The following PTPRF variants were observed in gnomAD, a reference collection of about 807,000 sequenced individuals.
PTPRF encodes the protein receptor-type tyrosine-protein phosphatase F.
In PTPRF, 59 loss-of-function variants were observed where a neutral mutation model predicts 201.8. That is an observed-to-expected ratio of 0.29 (90% CI 0.24 to 0.36). PTPRF has a LOEUF of 0.36. PTPRF is among the 10% of genes least tolerant of loss of function. PTPRF has a pLI of 1.00. For synonymous variants in PTPRF, 1,088 were observed against 1,089.7 expected (o/e 1.00, Z 0.03); for missense variants, 2,132 against 2,690.5 (o/e 0.79, Z 4.59).
chr1:43,596,216 G>T (rs369311101), intron 11 of PTPRF, among the ~76,000 whole-genome samples: 4 of 152,198 alleles, frequency 2.6e-5, no homozygotes, highest in African/African-American at 9.7e-5. Context: ...GGGGCCTGGA[G>T]TGACTGAGCA....
chr1:43,572,888 C>T (rs1416406310), intron 6 of PTPRF, among the ~76,000 whole-genome samples: 2 of 152,082 alleles, frequency 1.3e-5, no homozygotes, highest in Non-Finnish European at 2.9e-5. Flanking sequence ...AATAGCAAAC[C>T]TGGGGACCTG....
chr1:43,531,198 G>A (rs886968306), intron 1 of PTPRF, 108 bp downstream of exon 1: 1 of 150,456 alleles, frequency 6.6e-6, no homozygotes, highest in Non-Finnish European at 1.5e-5. Context: ...GGTCCCGGGG[G>A]GGACGAGGGC....
At chr1:43,601,230 C>G (rs529500843) in intron 13 of PTPRF, among the ~76,000 whole-genome samples, 14 of 152,338 alleles carry the variant, frequency 9.2e-5, no homozygotes, top group Non-Finnish European at 1.3e-4. Flanking sequence ...TGGACCATCT[C>G]CCTGTGATGT....
Position 43,591,372 on chromosome 1 carries a change from C to T in PTPRF, c.1350C>T (p.Tyr450=), listed in dbSNP as rs1204098813. 6.4e-7 allele frequency: 1 copy of T among 1,556,350 alleles called. No homozygotes were observed. Among genetic ancestry groups the T allele is most frequent in the Admixed American group, 1.9e-5 (1 of 51,916 alleles). The change falls in exon 9 of 34, where the codon TAC becomes TAT. Residue 450 remains tyrosine (Y), a synonymous_variant. Coordinates refer to ENST00000359947, the MANE Select transcript of PTPRF (RefSeq NM_002840.5). ...PNGLVRGYRV[Y]YTPDSRRPPN... is the part of the protein sequence containing the mutation. ...GCCTGGTGCGGGGATACCGCGTCTA[C>T]TATACTCCGGACTCCCGCCGCCCCC...
intron 5 of PTPRF, among the ~76,000 whole-genome samples, chr1:43,561,616 T>C (rs1420151912): frequency 6.6e-6 from 1 of 152,056 alleles, no homozygotes; most frequent in Non-Finnish European, 1.5e-5. Context: ...AGGCATGACC[T>C]GTATACCCCT....
At chr1:43,600,113 C>T (rs542719093) in intron 13 of PTPRF, among the ~76,000 whole-genome samples, 1 of 152,228 alleles carries the variant, frequency 6.6e-6, no homozygotes, top group African/African-American at 2.4e-5. Context: ...TCTCAGCCTG[C>T]CCAGTGCTAA....
chr1:43,602,119 G>A (rs757281083), intron 14 of PTPRF, 22 bp downstream of exon 14: 8 of 1,610,222 alleles, frequency 5.0e-6, no homozygotes, highest in East Asian at 4.5e-5. Context: ...GTGTGCGAAC[G>A]CGGACAAGAC....
intron 3 of PTPRF, among the ~76,000 whole-genome samples, chr1:43,547,890 G>A (rs1032152508): frequency 6.6e-6 from 1 of 152,232 alleles, no homozygotes; most frequent in African/African-American, 2.4e-5. Flanking sequence ...AGGTTGTGGG[G>A]CCAGAGGTGT....
rs1029212542 is a variant in PTPRF, at chr1:43,553,290, G to A, written c.92-202G>A. Reference sequence around the variant, plus strand: ...GCCTCTAGAAACAGATACAGTTATAGCACTCACCTCATATGCTTAACAGAG... The same window carrying A: ...GCCTCTAGAAACAGATACAGTTATAACACTCACCTCATATGCTTAACAGAG... On this transcript the variant is annotated intron_variant, in intron 3 of 33. Coordinates refer to ENST00000359947, the MANE Select transcript of PTPRF (RefSeq NM_002840.5). The surrounding 1 kb of genome is among the most constrained non-coding windows in gnomAD (Gnocchi z 4.1). Among the ~76,000 whole-genome samples, 1 of 152,184 alleles carries A rather than the reference G, an allele frequency of 6.6e-6. No homozygotes were observed.
rs1382559600 is a variant in PTPRF at position 43,619,499 on chromosome 1, C to T, written c.4858C>T (p.Leu1620=). The change falls in exon 28 of 34, where the codon CTG becomes TTG. Residue 1620 remains leucine, a synonymous_variant. Transcript: ENST00000359947. ...CCACACAGAGGTGCCTGCCCGCAAC[C>T]TGTATGCCCACATCCAGAAGCTGGG... is the stretch of plus-strand genomic sequence containing the variant. ...CGHTEVPARN[L]YAHIQKLGQV... is the part of the protein sequence containing the mutation. The T allele has an allele frequency of 1.2e-6, 2 of 1,613,962 alleles. No homozygotes were observed. Among genetic ancestry groups the T allele is most frequent in the Non-Finnish European group, 1.7e-6 (2 of 1,180,048 alleles).
At position 43,588,869 on chromosome 1, in the gene PTPRF, C is replaced by G. The variant is rs747883338; in HGVS notation, c.818C>G (p.Thr273Ser). The G allele has an allele frequency of 6.2e-7, 1 of 1,613,920 alleles. No individual in the cohort carries two copies. The highest frequency in any genetic ancestry group is 8.5e-7 in the Non-Finnish European group (1 of 1,179,958). ...VKWMMGAEEL[T>S]KEDEMPVGRN... is the part of the protein sequence containing the mutation. ...TGGATGATGGGGGCCGAGGAGCTCACCAAGGAGGATGAGATGCCAGTTGGC... is the reference window on the plus strand; with the variant it reads ...TGGATGATGGGGGCCGAGGAGCTCAGCAAGGAGGATGAGATGCCAGTTGGC... The change falls in exon 8 of 34, where the codon ACC becomes AGC. Residue 273 changes from threonine to serine, a missense_variant. Physicochemically the swap from Thr to Ser is moderately conservative, Grantham distance 58 (BLOSUM62 1). Transcript: ENST00000359947. The surrounding 1 kb of genome is among the most constrained non-coding windows in gnomAD (Gnocchi z 5.3).
chr1:43,606,130 G>A lies in PTPRF; in HGVS notation c.3484-110G>A, dbSNP rs566545444. 1.1e-4 allele frequency: 131 copies of A among 1,245,770 alleles called. No individual in the cohort carries two copies. The African/African-American group carries it at 1.1e-3, about 10-fold the overall frequency. 77.2% of individuals were successfully genotyped at this position (1,245,770 alleles called of 1,614,324 possible). ...GTTGGGCAGGTGTGGGCTCTGACAC[G>A]GAAGGTGAGCCTTGATCTCGGCCCA... On this transcript the variant is annotated intron_variant, in intron 19 of 33. Transcript: ENST00000359947.
At chr1:43,569,427 C>T (rs919137151) in intron 5 of PTPRF, among the ~76,000 whole-genome samples, 163 bp from the exon 6 acceptor site, 1 of 152,130 alleles carries the variant, frequency 6.6e-6, no homozygotes, top group African/African-American at 2.4e-5. Flanking sequence ...GACTTAGGAC[C>T]CTGGTTCCTC....
chr1:43,579,157 G>A (rs778706617), intron 7 of PTPRF: 1 of 693,880 alleles, frequency 1.4e-6, no homozygotes, highest in South Asian at 1.5e-5. Flanking sequence ...ACTCTTGGGA[G>A]CATTTGTATC....
intron 5 of PTPRF, among the ~76,000 whole-genome samples, chr1:43,560,956 T>A (rs1645766711): frequency 6.6e-6 from 1 of 152,132 alleles, no homozygotes; most frequent in Non-Finnish European, 1.5e-5. Flanking sequence ...ATGGAGTGCC[T>A]GGTGTTGCCA....
At chr1:43,561,023 G>T (rs1363747438) in intron 5 of PTPRF, among the ~76,000 whole-genome samples, 2 of 152,170 alleles carry the variant, frequency 1.3e-5, no homozygotes, top group South Asian at 4.1e-4. Flanking sequence ...TGACCAGGGT[G>T]GGGGCTAATC....
chr1:43,568,921 G>A (rs1646374109), intron 5 of PTPRF, among the ~76,000 whole-genome samples: 1 of 152,216 alleles, frequency 6.6e-6, no homozygotes, highest in African/African-American at 2.4e-5. Context: ...GGCATGGTCT[G>A]CAGCCCTGAC....
At chr1:43,544,902 T>C (rs1471894139) in intron 2 of PTPRF, 129 bp from the exon 3 acceptor site, 1 of 602,994 alleles carries the variant, frequency 1.7e-6, no homozygotes, top group African/African-American at 1.9e-5. Context: ...ACAGCCCAAG[T>C]GGGGGGCTCT....
chr1:43,590,618 C>T (rs749070036), intron 8 of PTPRF, among the ~76,000 whole-genome samples: 3 of 152,242 alleles, frequency 2.0e-5, no homozygotes, highest in Non-Finnish European at 4.4e-5. Flanking sequence ...ATAGCTGCTA[C>T]CCAGTCTGGG....
Sources: gnomAD v4.1 joint callset for allele counts (sites outside exome capture counted in the v4.1 genomes callset) on GRCh38, gnomAD v4.1.1 for gene constraint, Gnocchi (gnomAD v3.1) non-coding constraint, MANE v1.5 for transcripts, NCBI Gene and HGNC (gene_info 2026-07-23, HGNC 2026-07-21) for gene names.